Variants in TRPC6 observed in about 807,000 individuals in gnomAD.
TRPC6 encodes the protein transient receptor potential cation channel subfamily C member 6.
TRPC6 carries 55 observed loss-of-function variants against 90.7 expected under a neutral mutation model. The ratio of observed to expected loss-of-function variants is 0.61; its 90% CI spans 0.49 to 0.76. The LOEUF is 0.76. TRPC6 is among the 30% of genes least tolerant of loss of function. The pLI is 0.00. For synonymous variants in TRPC6, 393 were observed against 393.0 expected, an observed-to-expected ratio of 1.00 and a Z score of 0.00; for missense variants, 989 against 1,122.7, an observed-to-expected ratio of 0.88 and a Z score of 1.70.
intron 3 of TRPC6, among the ~76,000 whole-genome samples, chr11:101,491,145 A>G (rs1859795080): frequency 6.6e-6 from 1 of 152,192 alleles, no homozygotes; most frequent in African/African-American, 2.4e-5. Flanking sequence ...GCCTAGTGCA[A>G]CTGTTAATTA....
At chr11:101,482,815 A>G (rs1424286399) in intron 5 of TRPC6, 134 bp downstream of exon 5, 6 of 973,296 alleles carry the variant, frequency 6.2e-6, no homozygotes, top group Non-Finnish European at 9.5e-6. Context: ...TTAGGAACAC[A>G]AAGAAAATTA....
chr11:101,562,286 A>G (rs28497867), intron 1 of TRPC6, among the ~76,000 whole-genome samples: 36,780 of 152,040 alleles, frequency 0.24, 4,781 homozygotes, highest in East Asian at 0.41. Context: ...AAATAACTCA[A>G]TTTCAGTGGG....
At chr11:101,533,855 G>C (rs1860970594) in intron 1 of TRPC6, among the ~76,000 whole-genome samples, 1 of 152,130 alleles carries the variant, frequency 6.6e-6, no homozygotes, top group South Asian at 2.1e-4. Flanking sequence ...AGGCCAGCTT[G>C]TTTGATGTAT....
rs544456890 is a variant in TRPC6, at chr11:101,452,604, C to T, written c.*351G>A. The T allele has an allele frequency of 6.5e-5, 15 of 230,682 alleles. No homozygotes were observed. Among genetic ancestry groups the T allele is most frequent in the East Asian group, 3.3e-4 (3 of 9,136 alleles). 14.3% of individuals were successfully genotyped at this position (230,682 alleles called of 1,614,324 possible). A position where few individuals can be genotyped will look rare whatever the true frequency, so the allele number is the denominator to read the frequency against. ...CTGAAATAAACTTCAGAGGAAAAAC[C>T]GCATGGGGAGTAACGTGGGTCAGCC... On this transcript the variant is annotated 3_prime_UTR_variant, in exon 13 of 13. Transcript: ENST00000344327.
chr11:101,506,581 T>C (rs962062102), intron 1 of TRPC6, among the ~76,000 whole-genome samples: 2 of 152,202 alleles, frequency 1.3e-5, no homozygotes, highest in African/African-American at 4.8e-5. Context: ...CCAAGTCCTA[T>C]TCAAAATCAA....
intron 1 of TRPC6, among the ~76,000 whole-genome samples, chr11:101,505,357 C>T (rs1860235467): frequency 6.6e-6 from 1 of 152,136 alleles, no homozygotes; most frequent in East Asian, 1.9e-4. Flanking sequence ...CAGCATACTG[C>T]TTTGTTATCA....
intron 5 of TRPC6, 92 bp from the exon 6 acceptor site, chr11:101,476,626 C>T: frequency 8.4e-7 from 1 of 1,184,622 alleles, no homozygotes. Flanking sequence ...CTCAGCCTGA[C>T]ATTACAAAAC....
chr11:101,451,866 G>T lies in TRPC6; in HGVS notation c.*1089C>A, dbSNP rs117895343. 2.6e-5 allele frequency: 4 copies of T among 152,058 alleles called. No individual in the cohort carries two copies. The highest frequency in any genetic ancestry group is 5.9e-5 in the Non-Finnish European group (4 of 68,026). 9.4% of individuals were successfully genotyped at this position (152,058 alleles called of 1,614,324 possible). A position where few individuals can be genotyped will look rare whatever the true frequency, so the allele number is the denominator to read the frequency against. ...TTGAGTAAACATATGAACCTTCATC[G>T]CTTTTAGTTGTTTAAGACACCACTT... On this transcript the variant is annotated 3_prime_UTR_variant, in exon 13 of 13. Coordinates refer to ENST00000344327, the MANE Select transcript of TRPC6 (RefSeq NM_004621.6).
At chr11:101,475,543 A>G (rs1859392468) in intron 6 of TRPC6, among the ~76,000 whole-genome samples, 1 of 152,068 alleles carries the variant, frequency 6.6e-6, no homozygotes, top group South Asian at 2.1e-4. Flanking sequence ...CTCCCTTATT[A>G]TAAGCTCTAA....
intron 1 of TRPC6, among the ~76,000 whole-genome samples, chr11:101,578,181 G>A (rs1862113663): frequency 6.6e-6 from 1 of 152,170 alleles, no homozygotes; most frequent in African/African-American, 2.4e-5. Flanking sequence ...AAAAGGACGT[G>A]TGAACAAATA....
intron 11 of TRPC6, among the ~76,000 whole-genome samples, chr11:101,454,378 G>T (rs541366773): frequency 6.6e-6 from 1 of 152,066 alleles, no homozygotes; most frequent in African/African-American, 2.4e-5. Flanking sequence ...CTATTCTAAA[G>T]ATATGATTTA....
At chr11:101,538,469 T>A (rs1451467723) in intron 1 of TRPC6, among the ~76,000 whole-genome samples, 2 of 152,108 alleles carry the variant, frequency 1.3e-5, no homozygotes, top group Non-Finnish European at 2.9e-5. Context: ...CTCAACCAAA[T>A]CCTGTGTGGG....
intron 4 of TRPC6, among the ~76,000 whole-genome samples, chr11:101,487,369 C>A (rs529214499): frequency 1.3e-5 from 2 of 152,200 alleles, no homozygotes; most frequent in South Asian, 2.1e-4. Flanking sequence ...CTAGGGAGGA[C>A]AATTTAGAAA....
chr11:101,538,723 G>T (rs1045712165), intron 1 of TRPC6, among the ~76,000 whole-genome samples: 3 of 152,172 alleles, frequency 2.0e-5, no homozygotes, highest in African/African-American at 7.2e-5. Context: ...AGAGAGATTG[G>T]AAACATGATA....
intron 1 of TRPC6, among the ~76,000 whole-genome samples, chr11:101,516,649 A>G (rs1429205568): frequency 1.3e-5 from 2 of 152,212 alleles, no homozygotes; most frequent in African/African-American, 4.8e-5. Flanking sequence ...GGCTCCTAAC[A>G]TGAGATAAGC....
chr11:101,459,646 T>C (rs1858959849), intron 10 of TRPC6, among the ~76,000 whole-genome samples: 1 of 152,200 alleles, frequency 6.6e-6, no homozygotes, highest in Non-Finnish European at 1.5e-5. Context: ...TTTCATTTGA[T>C]AGATACCATA....
chr11:101,576,094 C>T (rs1198575614), intron 1 of TRPC6, among the ~76,000 whole-genome samples: 1 of 152,184 alleles, frequency 6.6e-6, no homozygotes, highest in African/African-American at 2.4e-5. Context: ...TGACAACAAC[C>T]TACTGGCTGT....
At chr11:101,552,433 A>T (rs1315071113) in intron 1 of TRPC6, among the ~76,000 whole-genome samples, 2 of 152,110 alleles carry the variant, frequency 1.3e-5, no homozygotes, top group Non-Finnish European at 1.5e-5. Context: ...TCAGCAGTTT[A>T]TATGTCAAGA....
chr11:101,545,911 G>GC (rs1174595047), intron 1 of TRPC6, among the ~76,000 whole-genome samples: 1 of 151,882 alleles, frequency 6.6e-6, no homozygotes, highest in African/African-American at 2.4e-5. Context: ...ACACAGATGG[G>GC]CCCTTCATTT....
Sources: allele counts gnomAD v4.1 joint callset (sites outside exome capture counted in the v4.1 genomes callset), GRCh38; gene constraint gnomAD v4.1.1; transcripts MANE v1.5; gene names NCBI Gene and HGNC (gene_info 2026-07-23, HGNC 2026-07-21).